Variants in PLCL1 observed in about 807,000 individuals in gnomAD.
PLCL1 encodes the protein phospholipase C like 1 (inactive).
PLCL1 carries 41 observed loss-of-function variants against 84.4 expected under a neutral mutation model. The ratio of observed to expected loss-of-function variants is 0.49; its 90% CI spans 0.38 to 0.63. The LOEUF is 0.63. Among genes scored for constraint, PLCL1 ranks in the 30% least tolerant of loss-of-function variants. The pLI is 0.00. For missense variants in PLCL1, 1,206 were observed against 1,367.8 expected (o/e 0.88, Z 1.87); for synonymous variants, 490 against 488.3 (o/e 1.00, Z -0.05).
At chr2:197,908,154 C>T (rs1396665258) in intron 1 of PLCL1, among the ~76,000 whole-genome samples, 1 of 152,162 alleles carries the variant, frequency 6.6e-6, no homozygotes, top group African/African-American at 2.4e-5. Context: ...CAAAAATAGA[C>T]ATGCTGCTTA....
chr2:197,929,599 G>A (rs776158878), intron 1 of PLCL1, among the ~76,000 whole-genome samples: 2 of 152,162 alleles, frequency 1.3e-5, no homozygotes, highest in Non-Finnish European at 2.9e-5. Flanking sequence ...GAAGGGATAT[G>A]AGTGATTAAG....
intron 1 of PLCL1, among the ~76,000 whole-genome samples, chr2:198,031,221 A>T (rs1691412715): frequency 6.6e-6 from 1 of 151,660 alleles, no homozygotes; most frequent in African/African-American, 2.4e-5. Flanking sequence ...AAAAAAAAAA[A>T]AAATAGCCAA....
intron 1 of PLCL1, among the ~76,000 whole-genome samples, chr2:198,075,835 G>A (rs542423147): frequency 5.3e-5 from 8 of 152,048 alleles, no homozygotes; most frequent in Non-Finnish European, 7.4e-5. Context: ...AATTTATTCC[G>A]GACAACATTA....
At chr2:197,958,930 T>C (rs1689549963) in intron 1 of PLCL1, among the ~76,000 whole-genome samples, 1 of 130,220 alleles carries the variant, frequency 7.7e-6, no homozygotes, top group Non-Finnish European at 1.7e-5. Context: ...TGCCTCTTAA[T>C]TACTACAGGA....
intron 1 of PLCL1, among the ~76,000 whole-genome samples, chr2:197,923,117 C>A (rs1688746886): frequency 7.0e-6 from 1 of 143,682 alleles, no homozygotes; most frequent in Non-Finnish European, 1.5e-5. Flanking sequence ...GGGCGGCTGG[C>A]CAGGCTGAGG....
chr2:197,814,296 C>G (rs918980034), intron 1 of PLCL1, among the ~76,000 whole-genome samples: 2 of 152,140 alleles, frequency 1.3e-5, no homozygotes, highest in African/African-American at 4.8e-5. Context: ...GTAATTCTTA[C>G]AAGATTTTTA....
chr2:197,973,552 C>A (rs550826866), intron 1 of PLCL1, among the ~76,000 whole-genome samples: 2 of 152,190 alleles, frequency 1.3e-5, no homozygotes, highest in African/African-American at 4.8e-5. Context: ...TTGAGACAGA[C>A]TCATAGAGGA....
chr2:197,964,395 A>G (rs898691201), intron 1 of PLCL1, among the ~76,000 whole-genome samples: 3 of 151,710 alleles, frequency 2.0e-5, no homozygotes, highest in African/African-American at 7.3e-5. Flanking sequence ...TTTATTTTTC[A>G]TGTTGTTCAT....
chr2:197,991,972 A>C (rs1448830014), intron 1 of PLCL1, among the ~76,000 whole-genome samples: 1 of 151,658 alleles, frequency 6.6e-6, no homozygotes, highest in East Asian at 1.9e-4. Context: ...GTCTCTCCTG[A>C]TGCTTTGCTC....
intron 1 of PLCL1, among the ~76,000 whole-genome samples, chr2:197,937,291 G>C (rs746640321): frequency 1.3e-5 from 2 of 152,128 alleles, no homozygotes; most frequent in Non-Finnish European, 2.9e-5. Flanking sequence ...TTTTAGAACT[G>C]CTTTTTCTGT....
At chr2:197,927,647 T>G (rs1688855958) in intron 1 of PLCL1, among the ~76,000 whole-genome samples, 1 of 152,176 alleles carries the variant, frequency 6.6e-6, no homozygotes, top group Non-Finnish European at 1.5e-5. Flanking sequence ...CTATGCTGGT[T>G]TCCAGATTTA....
intron 5 of PLCL1, among the ~76,000 whole-genome samples, chr2:198,131,982 C>T (rs773768851): frequency 1.3e-5 from 2 of 152,170 alleles, no homozygotes; most frequent in African/African-American, 4.8e-5. Context: ...TTTCCTTTTC[C>T]ATTTCCCCTT....
At chr2:198,009,000 T>G (rs1160198058) in intron 1 of PLCL1, among the ~76,000 whole-genome samples, 1 of 152,082 alleles carries the variant, frequency 6.6e-6, no homozygotes, top group African/African-American at 2.4e-5. Context: ...TTGTATATCT[T>G]CTTTGGAGAA....
At position 197,989,173 on chromosome 2, in the gene PLCL1, T is replaced by TATTC. The variant is rs34913887; in HGVS notation, c.241-94567_241-94564dup. Among the ~76,000 whole-genome samples the TATTC allele has an allele frequency of 2.8e-3, 427 of 152,334 alleles. 1 individual carries two copies. Among genetic ancestry groups the TATTC allele is most frequent in the Non-Finnish European group, 3.5e-3 (236 of 68,020 alleles). Reference sequence around the variant, plus strand: ...AGATTATGATGGCTGTTCTTATTACTATTCATTCATTCATTCATTCAGTAA... The same window carrying TATTC: ...AGATTATGATGGCTGTTCTTATTACTATTCATTCATTCATTCATTCATTCAGTAA... On this transcript the variant is annotated intron_variant, in intron 1 of 5. Coordinates refer to ENST00000428675, the MANE Select transcript of PLCL1 (RefSeq NM_006226.4).
chr2:198,073,072 G>T (rs1338517736), intron 1 of PLCL1, among the ~76,000 whole-genome samples: 1 of 152,158 alleles, frequency 6.6e-6, no homozygotes, highest in East Asian at 1.9e-4. Context: ...CAAGTAGGTG[G>T]TAATGGTGAG....
At position 197,923,807 on chromosome 2, in the gene PLCL1, G is replaced by A. The variant is rs551912133; in HGVS notation, c.240+118468G>A. Among the ~76,000 whole-genome samples, 7 of 152,222 alleles carry A rather than the reference G, an allele frequency of 4.6e-5. No individual in the cohort carries two copies. In the South Asian group the frequency reaches 8.3e-4, roughly 18 times the overall value. On this transcript the variant is annotated intron_variant, in intron 1 of 5. Coordinates refer to ENST00000428675, the MANE Select transcript of PLCL1 (RefSeq NM_006226.4). The stretch of plus-strand genomic sequence containing the variant: ...GGCACCCTGGGAGGCCAAGGCAGGC[G>A]GCTGGGAGGTGTAGGTTGTAGCGAG...
intron 1 of PLCL1, among the ~76,000 whole-genome samples, chr2:198,010,649 A>C (rs1378683080): frequency 2.0e-5 from 3 of 151,764 alleles, no homozygotes; most frequent in African/African-American, 4.8e-5. Flanking sequence ...TGGTATTAGG[A>C]TAATGCTAGC....
chr2:197,994,471 G>C (rs1040746813), intron 1 of PLCL1, among the ~76,000 whole-genome samples: 7 of 152,110 alleles, frequency 4.6e-5, no homozygotes, highest in African/African-American at 2.4e-5. Context: ...GTCAGAAATG[G>C]GAAAGATTGC....
intron 1 of PLCL1, among the ~76,000 whole-genome samples, chr2:197,944,866 G>C (rs757490184): frequency 7.2e-5 from 11 of 152,092 alleles, no homozygotes; most frequent in Non-Finnish European, 1.5e-4. Context: ...TTCATCTTCA[G>C]ATGTTAGACT....
Sources: gnomAD v4.1 joint callset for allele counts (sites outside exome capture counted in the v4.1 genomes callset) on GRCh38, gnomAD v4.1.1 for gene constraint, MANE v1.5 for transcripts, NCBI Gene and HGNC (gene_info 2026-07-23, HGNC 2026-07-21) for gene names.